The following ITCH variants were observed in gnomAD, a reference collection of about 807,000 sequenced individuals.
ITCH encodes the protein E3 ubiquitin-protein ligase Itchy homolog.
A neutral mutation model predicts 126.8 loss-of-function variants in ITCH; 28 were observed. The observed-to-expected ratio is 0.22, with a 90% CI of 0.16 to 0.30. The LOEUF (loss-of-function observed/expected upper bound fraction) is 0.30. ITCH is among the 10% of genes least tolerant of loss of function. The pLI, the probability that ITCH is intolerant of heterozygous loss-of-function variation, is 1.00. For synonymous variants in ITCH, 342 were observed against 340.0 expected, an observed-to-expected ratio of 1.01 and a Z score of -0.06; for missense variants, 631 against 1,032.4, an observed-to-expected ratio of 0.61 and a Z score of 5.33.
chr20:34,464,547 G>C (rs565081437), intron 14 of ITCH, among the ~76,000 whole-genome samples: 4 of 151,236 alleles, frequency 2.6e-5, no homozygotes, highest in African/African-American at 9.7e-5. Context: ...GGCTGATCTC[G>C]AACTCCCGAC....
intron 2 of ITCH, among the ~76,000 whole-genome samples, chr20:34,385,770 A>G (rs941114239): frequency 2.6e-5 from 4 of 152,168 alleles, no homozygotes; most frequent in Admixed American, 2.0e-4. Flanking sequence ...TTTAGAATCC[A>G]TACTGATGTA....
intron 12 of ITCH, among the ~76,000 whole-genome samples, chr20:34,455,531 C>T (rs576675370): frequency 5.1e-4 from 77 of 150,068 alleles, no homozygotes; most frequent in Non-Finnish European, 1.0e-3. Flanking sequence ...TAATCCATCT[C>T]GGCACACTGT....
chr20:34,365,007 C>T (rs1193760836), intron 1 of ITCH, among the ~76,000 whole-genome samples: 2 of 151,846 alleles, frequency 1.3e-5, no homozygotes, highest in Non-Finnish European at 2.9e-5. Context: ...GGAGATCAGC[C>T]TGGGCAACAT....
Position 34,487,301 on chromosome 20 carries a change from C to T in ITCH, c.2094-1965C>T, listed in dbSNP as rs200327478. On this transcript the variant is annotated intron_variant, in intron 20 of 24. Transcript: ENST00000374864. Reference sequence around the variant, plus strand: ...TGCTGGGATTACAGGCATGAGCCGCCGTGCCCAGCCAGGTCTTATTTTTAT... The same window carrying T: ...TGCTGGGATTACAGGCATGAGCCGCTGTGCCCAGCCAGGTCTTATTTTTAT... Among the ~76,000 whole-genome samples the T allele has an allele frequency of 4.6e-4, 70 of 152,246 alleles. No homozygotes were observed. The East Asian group carries it at 0.011, about 24-fold the overall frequency.
intron 2 of ITCH, among the ~76,000 whole-genome samples, chr20:34,371,338 A>G (rs1379773302): frequency 1.6e-5 from 2 of 128,560 alleles, no homozygotes; most frequent in African/African-American, 6.1e-5. Flanking sequence ...GTGCAATGGC[A>G]CGATCTTGGC....
chr20:34,369,247 C>T (rs1339137616), intron 1 of ITCH, 147 bp from the exon 2 acceptor site: 6 of 363,806 alleles, frequency 1.6e-5, no homozygotes, highest in East Asian at 7.9e-5. Flanking sequence ...GCAGAAGAAT[C>T]GCTTGAACCC....
chr20:34,504,217 T>C, intron 23 of ITCH, 114 bp from the exon 24 acceptor site: 2 of 796,336 alleles, frequency 2.5e-6, no homozygotes, highest in Non-Finnish European at 2.2e-6. Flanking sequence ...GTGTGGGGCC[T>C]GAGGATTTAT....
intron 23 of ITCH, among the ~76,000 whole-genome samples, chr20:34,503,955 C>T (rs1415883553): frequency 7.3e-6 from 1 of 137,184 alleles, no homozygotes; most frequent in African/African-American, 2.7e-5. Context: ...AATCTTGAGT[C>T]ACTGCAACTT....
chr20:34,397,028 T>G (rs1046156975), intron 3 of ITCH, among the ~76,000 whole-genome samples: 13 of 152,074 alleles, frequency 8.5e-5, no homozygotes, highest in Admixed American at 8.5e-4. Flanking sequence ...TTTTTTGTTT[T>G]TTTTTGTTTG....
At chr20:34,471,593 G>T in intron 16 of ITCH, 78 bp downstream of exon 16, 1 of 882,474 alleles carries the variant, frequency 1.1e-6, no homozygotes, top group South Asian at 1.4e-5. Context: ...AGTTTAATCT[G>T]AATGGTTTGG....
chr20:34,394,735 A>G (rs769737401), intron 3 of ITCH, among the ~76,000 whole-genome samples: 11 of 152,158 alleles, frequency 7.2e-5, no homozygotes, highest in East Asian at 1.9e-4. Flanking sequence ...CCATCATGCA[A>G]TGGGGTACAA....
At chr20:34,364,894 A>C in intron 1 of ITCH, among the ~76,000 whole-genome samples, 1 of 147,868 alleles carries the variant, frequency 6.8e-6, no homozygotes, top group East Asian at 2.0e-4. Context: ...CCGCCTCAAA[A>C]AAAAAAAAAA....
At chr20:34,439,397 C>T (rs1479017185) in intron 8 of ITCH, among the ~76,000 whole-genome samples, 1 of 152,108 alleles carries the variant, frequency 6.6e-6, no homozygotes, top group Non-Finnish European at 1.5e-5. Context: ...CTCAGCCTCC[C>T]GAGTAGCTGG....
chr20:34,389,010 T>C (rs1412863463), intron 2 of ITCH, among the ~76,000 whole-genome samples: 2 of 152,148 alleles, frequency 1.3e-5, no homozygotes, highest in Non-Finnish European at 2.9e-5. Flanking sequence ...TCCCTTGGTA[T>C]ATGTGGGGAT....
chr20:34,507,647 G>A, intron 24 of ITCH, 48 bp from the exon 25 acceptor site: 1 of 1,425,886 alleles, frequency 7.0e-7, no homozygotes, highest in Admixed American at 1.7e-5. Context: ...CTACTCATTT[G>A]ATTCTTTGCA....
chr20:34,441,526 G>A (rs1398614505), intron 9 of ITCH: 1 of 151,894 alleles, frequency 6.6e-6, no homozygotes, highest in African/African-American at 2.4e-5. Flanking sequence ...CCGGGTTCAA[G>A]TGATTCTCTT....
chr20:34,467,135 C>T (rs1404524351), intron 14 of ITCH, among the ~76,000 whole-genome samples: 1 of 152,050 alleles, frequency 6.6e-6, no homozygotes. Context: ...CATTTTAGAT[C>T]AAATGGACAA....
At chr20:34,494,957 T>C (rs1419938056) in intron 23 of ITCH, among the ~76,000 whole-genome samples, 2 of 151,136 alleles carry the variant, frequency 1.3e-5, no homozygotes, top group Admixed American at 1.3e-4. Flanking sequence ...AGACCCTATC[T>C]TAAAAATACA....
chr20:34,475,620 G>C (rs1007842143), intron 16 of ITCH, among the ~76,000 whole-genome samples: 2 of 152,092 alleles, frequency 1.3e-5, no homozygotes, highest in South Asian at 2.1e-4. Context: ...GTCCAGCTTC[G>C]GCTCGGCATC....
Sources: allele counts gnomAD v4.1 joint callset (sites outside exome capture counted in the v4.1 genomes callset), GRCh38; gene constraint gnomAD v4.1.1; transcripts MANE v1.5; gene names NCBI Gene and HGNC (gene_info 2026-07-23, HGNC 2026-07-21).